Variants in ILRUN observed in about 807,000 individuals in gnomAD.
ILRUN encodes inflammation and lipid regulator with UBA-like and NBR1-like domains.
A neutral mutation model predicts 33.8 loss-of-function variants in ILRUN; 3 were observed. That is an observed-to-expected ratio of 0.09 (90% CI 0.04 to 0.23). The LOEUF (loss-of-function observed/expected upper bound fraction) is 0.23. ILRUN is among the 10% of genes least tolerant of loss of function. The pLI is 1.00. For missense variants in ILRUN, 210 were observed against 375.1 expected, an observed-to-expected ratio of 0.56 and a Z score of 3.64; for synonymous variants, 124 against 138.9, an observed-to-expected ratio of 0.89 and a Z score of 0.75.
intron 1 of ILRUN, among the ~76,000 whole-genome samples, chr6:34,676,476 C>T (rs115213601): frequency 7.0e-6 from 1 of 141,864 alleles, no homozygotes. Context: ...AGCTAGCTAG[C>T]TAGATAGGTA....
At chr6:34,630,520 T>TCTA (rs1762224858) in intron 3 of ILRUN, among the ~76,000 whole-genome samples, 1 of 151,884 alleles carries the variant, frequency 6.6e-6, no homozygotes, top group Non-Finnish European at 1.5e-5. Context: ...AGTAGCTGGG[T>TCTA]CTACAGGCAC....
intron 1 of ILRUN, among the ~76,000 whole-genome samples, chr6:34,682,785 C>T (rs1214023970): frequency 6.6e-6 from 1 of 152,030 alleles, no homozygotes; most frequent in Non-Finnish European, 1.5e-5. Context: ...ATTGTTAATT[C>T]TTTAAAATAT....
chr6:34,620,329 G>A (rs1227367887), intron 3 of ILRUN, among the ~76,000 whole-genome samples: 1 of 152,078 alleles, frequency 6.6e-6, no homozygotes, highest in Non-Finnish European at 1.5e-5. Context: ...GCTCAATAAG[G>A]AGCAAATTAT....
intron 3 of ILRUN, among the ~76,000 whole-genome samples, chr6:34,617,413 A>G (rs1225177304): frequency 6.6e-6 from 1 of 152,182 alleles, no homozygotes; most frequent in Non-Finnish European, 1.5e-5. Context: ...ACCATTGTGA[A>G]AAGAAGGAAC....
At chr6:34,593,924 A>C (rs926079028) in intron 4 of ILRUN, among the ~76,000 whole-genome samples, 2 of 152,144 alleles carry the variant, frequency 1.3e-5, no homozygotes, top group Non-Finnish European at 2.9e-5. Flanking sequence ...CTATGGCAGT[A>C]GGCCAAGCAG....
intron 1 of ILRUN, among the ~76,000 whole-genome samples, chr6:34,691,706 G>C (rs1471197733): frequency 6.6e-6 from 1 of 152,008 alleles, no homozygotes; most frequent in South Asian, 2.1e-4. Flanking sequence ...TGAGGCAGGA[G>C]AATCTCTTGA....
At chr6:34,684,675 C>G (rs1763477816) in intron 1 of ILRUN, among the ~76,000 whole-genome samples, 1 of 151,852 alleles carries the variant, frequency 6.6e-6, no homozygotes, top group South Asian at 2.1e-4. Context: ...AGAACAGGAT[C>G]AGTATGTCAA....
chr6:34,637,862 T>C (rs889643396), intron 3 of ILRUN, among the ~76,000 whole-genome samples: 5 of 133,680 alleles, frequency 3.7e-5, no homozygotes, highest in Non-Finnish European at 7.8e-5. Flanking sequence ...CTGCTGCTGC[T>C]GCTGTTGTTG....
intron 3 of ILRUN, among the ~76,000 whole-genome samples, chr6:34,640,713 AAATG>A (rs141557087): frequency 0.033 from 5,006 of 151,002 alleles, 209 homozygotes; most frequent in African/African-American, 0.095. Flanking sequence ...CGTCTCAAAT[AAATG>A]AATGAATGAA....
At position 34,640,160 on chromosome 6, in the gene ILRUN, G is replaced by A. The variant is rs1762440716; in HGVS notation, c.511+6441C>T. ...AGAAATTTGTGTGGTGGGGGACAGT[G>A]TTTGTTATCAAGATAAACAGGTGAA... On this transcript the variant is annotated intron_variant, in intron 3 of 4. Transcript: ENST00000374023. Among the ~76,000 whole-genome samples the A allele has an allele frequency of 2.6e-5, 4 of 152,134 alleles. No individual in the cohort carries two copies. In the South Asian group the frequency reaches 8.3e-4, roughly 31 times the overall value.
chr6:34,606,715 T>TCGGAGCCCC lies in ILRUN; in HGVS notation c.692_700dup (p.Gly231_Ser233dup). On this transcript the variant is annotated inframe_insertion, in exon 4 of 5. Transcript: ENST00000374023. ...TGTGTTTTTGCTGATCGAGTCGAAC[T>TCGGAGCCCC]CGGAGCCCCCAGGGTCTTTTAAGTT... The TCGGAGCCCC allele has an allele frequency of 6.2e-7, 1 of 1,614,192 alleles. No homozygotes were observed.
At chr6:34,663,590 T>A (rs548104732) in intron 1 of ILRUN, among the ~76,000 whole-genome samples, 1 of 152,154 alleles carries the variant, frequency 6.6e-6, no homozygotes, top group Non-Finnish European at 1.5e-5. Flanking sequence ...GCAATCCTCC[T>A]GCCTTGGCCT....
chr6:34,658,118 G>A (rs1056032569), intron 1 of ILRUN, among the ~76,000 whole-genome samples: 7 of 152,140 alleles, frequency 4.6e-5, no homozygotes, highest in African/African-American at 1.7e-4. Context: ...GGAGGCAGAG[G>A]CAGGCAGATC....
In ILRUN at chr6:34,587,993, T is replaced by C; in HGVS notation, c.*2572A>G. The C allele has an allele frequency of 2.5e-6, 1 of 398,244 alleles. No individual in the cohort carries two copies. Among genetic ancestry groups the C allele is most frequent in the Non-Finnish European group, 4.4e-6 (1 of 226,090 alleles). 24.7% of individuals were successfully genotyped at this position (398,244 alleles called of 1,614,324 possible). A position where few individuals can be genotyped will look rare whatever the true frequency, so the allele number is the denominator to read the frequency against. ...AGATTCTAAGAGGAGCAGGGACTAT[T>C]GGGGCTGAGAGGTAGCCACTACCAC... On this transcript the variant is annotated 3_prime_UTR_variant, in exon 5 of 5. Transcript: ENST00000374023.
intron 3 of ILRUN, among the ~76,000 whole-genome samples, chr6:34,614,938 A>C (rs1377317842): frequency 6.6e-6 from 1 of 152,184 alleles, no homozygotes; most frequent in African/African-American, 2.4e-5. Flanking sequence ...GTATTCCTTA[A>C]GACAGTCAAG....
intron 2 of ILRUN, among the ~76,000 whole-genome samples, chr6:34,651,789 CTTT>C (rs11288958): frequency 0.085 from 8,748 of 102,524 alleles, 233 homozygotes; most frequent in African/African-American, 0.15. Context: ...TTCCAAAAAA[CTTT>C]TTTTTTTTTT....
chr6:34,682,159 AC>A (rs1276094159), intron 1 of ILRUN, among the ~76,000 whole-genome samples: 2 of 146,226 alleles, frequency 1.4e-5, no homozygotes, highest in African/African-American at 2.5e-5. Flanking sequence ...GGCATGAGCC[AC>A]CACGCCCAGC....
chr6:34,620,266 G>A (rs901632404), intron 3 of ILRUN, among the ~76,000 whole-genome samples: 3 of 152,062 alleles, frequency 2.0e-5, no homozygotes, highest in Admixed American at 6.5e-5. Flanking sequence ...GTGAGACACC[G>A]TAAAAATGGA....
At chr6:34,690,689 A>C (rs1320383479) in intron 1 of ILRUN, among the ~76,000 whole-genome samples, 1 of 152,178 alleles carries the variant, frequency 6.6e-6, no homozygotes. Context: ...AATTAATAGA[A>C]GCGTTCTGGC....
Sources: gnomAD v4.1 joint callset for allele counts (sites outside exome capture counted in the v4.1 genomes callset) on GRCh38, gnomAD v4.1.1 for gene constraint, MANE v1.5 for transcripts, NCBI Gene and HGNC (gene_info 2026-07-23, HGNC 2026-07-21) for gene names.